ST3GAL1: variants seen among roughly 807,000 people sequenced by gnomAD.
ST3GAL1 encodes the protein CMP-N-acetylneuraminate-beta-galactosamide-alpha-2,3-sialyltransferase 1.
A neutral mutation model predicts 34.1 loss-of-function variants in ST3GAL1; 16 were observed. That is an observed-to-expected ratio of 0.47 (90% CI 0.32 to 0.71). The LOEUF is 0.71. ST3GAL1 is among the 30% of genes least tolerant of loss of function. The pLI is 0.04. For synonymous variants in ST3GAL1, 191 were observed against 184.7 expected (o/e 1.03, Z -0.28); for missense variants, 353 against 447.4 (o/e 0.79, Z 1.90).
At position 133,457,254 on chromosome 8, in the gene ST3GAL1, C is replaced by G. The variant is rs1236854827; in HGVS notation, c.*2510G>C. 6.6e-6 allele frequency: 1 copy of G among 152,222 alleles called. No individual in the cohort carries two copies. Among genetic ancestry groups the G allele is most frequent in the African/African-American group, 2.4e-5 (1 of 41,414 alleles). The allele number at this position is 152,222 out of a possible 1,614,324, so 9.4% of individuals were successfully genotyped here. On this transcript the variant is annotated 3_prime_UTR_variant, in exon 10 of 10. Transcript: ENST00000522652. Reference sequence around the variant, plus strand: ...ACCAGACGGAGGCCAGGCAACCGACCCAGGCAGCATCTGGCTCAGACGCAG... The same window carrying G: ...ACCAGACGGAGGCCAGGCAACCGACGCAGGCAGCATCTGGCTCAGACGCAG...
At chr8:133,475,681 A>T (rs778522763) in intron 5 of ST3GAL1, 38 bp downstream of exon 5, 1 of 1,526,268 alleles carries the variant, frequency 6.6e-7, no homozygotes, top group Non-Finnish European at 8.8e-7. Flanking sequence ...CCACACCCCA[A>T]CTCTCAGCCC....
chr8:133,562,819 TTCCTTCC>T (rs1819275277), intron 1 of ST3GAL1, among the ~76,000 whole-genome samples: 1 of 121,074 alleles, frequency 8.3e-6, no homozygotes, highest in African/African-American at 3.9e-5. Flanking sequence ...CCTTCCTTCC[TTCCTTCC>T]TTCCTTCCTT....
intron 2 of ST3GAL1, among the ~76,000 whole-genome samples, chr8:133,518,418 G>A (rs1817707037): frequency 6.6e-6 from 1 of 152,196 alleles, no homozygotes; most frequent in Non-Finnish European, 1.5e-5. Flanking sequence ...AGAAATCTTA[G>A]AAAAGATCCT....
chr8:133,564,117 A>T (rs750550889), intron 1 of ST3GAL1, among the ~76,000 whole-genome samples: 2 of 152,238 alleles, frequency 1.3e-5, no homozygotes, highest in Non-Finnish European at 2.9e-5. Context: ...GTTTTACAAC[A>T]GCCATCGACA....
rs140413728 is a variant in ST3GAL1 at position 133,500,834 on chromosome 8, A to G, written c.-428-1645T>C. 5.0e-3 allele frequency among the ~76,000 whole-genome samples: 759 copies of G among 152,338 alleles called. 2 individuals carry two copies. Among genetic ancestry groups the G allele is most frequent in the African/African-American group, 0.017 (723 of 41,570 alleles). ...TTCTACTCTGGGTCAGATGCTGTAC[A>G]TCTCACAGGAGGTATCTTTGTTCCT... On this transcript the variant is annotated intron_variant, in intron 2 of 9. Transcript: ENST00000522652.
At position 133,541,892 on chromosome 8, in the gene ST3GAL1, G is replaced by A. The variant is rs117568688; in HGVS notation, c.-429+3882C>T. Among the ~76,000 whole-genome samples, 103 of 152,264 alleles carry A rather than the reference G, an allele frequency of 6.8e-4. No homozygotes were observed. The East Asian group carries it at 0.018, about 26-fold the overall frequency. On this transcript the variant is annotated intron_variant, in intron 2 of 9. Transcript: ENST00000522652. The stretch of plus-strand genomic sequence containing the variant: ...CGGTTTAATAAATGCAGTTGGTGGC[G>A]GCGTTGATAGTGAGAGTAGAATGAC...
chr8:133,479,963 G>T (rs563591709), intron 3 of ST3GAL1, among the ~76,000 whole-genome samples: 2 of 152,352 alleles, frequency 1.3e-5, no homozygotes, highest in Non-Finnish European at 1.5e-5. Context: ...CAGCCTGCAG[G>T]CATGGGGGAA....
chr8:133,559,391 G>T (rs116485211), intron 1 of ST3GAL1, among the ~76,000 whole-genome samples: 6 of 152,304 alleles, frequency 3.9e-5, no homozygotes, highest in African/African-American at 1.4e-4. Flanking sequence ...AACCCATTCT[G>T]AAAGGTGTGT....
At chr8:133,518,284 T>A (rs1202650406) in intron 2 of ST3GAL1, among the ~76,000 whole-genome samples, 1 of 151,926 alleles carries the variant, frequency 6.6e-6, no homozygotes, top group African/African-American at 2.4e-5. Flanking sequence ...AGGATTCCAA[T>A]CCCCCAGTCA....
At position 133,461,121 on chromosome 8, in the gene ST3GAL1, C is replaced by T. The variant is rs978318661; in HGVS notation, c.849+754G>A. ...GCACCCATGTTTCTACCTGGGAACACCAGGGTGGGGCTGAGCCTGGGGACC... is the reference window on the plus strand; with the variant it reads ...GCACCCATGTTTCTACCTGGGAACATCAGGGTGGGGCTGAGCCTGGGGACC... On this transcript the variant is annotated intron_variant, in intron 9 of 9. Transcript: ENST00000522652. This position sits in a 1 kb window ranked among gnomAD's most constrained non-coding sequence, Gnocchi z 4.7. Among the ~76,000 whole-genome samples the T allele has an allele frequency of 2.6e-5, 4 of 152,118 alleles. No homozygotes were observed. The highest frequency in any genetic ancestry group is 2.6e-4 in the Admixed American group (4 of 15,276).
intron 3 of ST3GAL1, among the ~76,000 whole-genome samples, chr8:133,498,508 T>C (rs1817040923): frequency 1.3e-5 from 2 of 152,060 alleles, no homozygotes; most frequent in African/African-American, 4.8e-5. Context: ...TTGGAGGGTT[T>C]TTTTTTTCTC....
rs1563735220 is a variant in ST3GAL1 at position 133,542,113 on chromosome 8, C to CACA, written c.-429+3660_-429+3661insTGT. Among the ~76,000 whole-genome samples the CACA allele has an allele frequency of 1.4e-3, 167 of 116,436 alleles. 3 individuals carry two copies. In the South Asian group the frequency reaches 0.057, roughly 40 times the overall value. 76.4% of individuals were successfully genotyped at this position (116,436 alleles called of 152,430 possible). On this transcript the variant is annotated intron_variant, in intron 2 of 9. Transcript: ENST00000522652. ...ATACACCACACACACACACACACAC[C>CACA]CACGCACACACAGACACACACATCC...
chr8:133,511,375 C>T (rs1201632442), intron 2 of ST3GAL1, among the ~76,000 whole-genome samples: 1 of 152,228 alleles, frequency 6.6e-6, no homozygotes, highest in Non-Finnish European at 1.5e-5. Context: ...ATTTATTGAA[C>T]ACCTAGTATG....
intron 2 of ST3GAL1, among the ~76,000 whole-genome samples, chr8:133,540,896 C>CATATATATAGAT (rs1818471451): frequency 1.2e-5 from 1 of 81,868 alleles, no homozygotes; most frequent in Non-Finnish European, 2.3e-5. Context: ...TATATATAGA[C>CATATATATAGAT]ATATATATAG....
intron 3 of ST3GAL1, among the ~76,000 whole-genome samples, chr8:133,478,742 G>A (rs72718278): frequency 6.6e-6 from 1 of 152,202 alleles, no homozygotes; most frequent in Non-Finnish European, 1.5e-5. Flanking sequence ...GGTGAGTTAG[G>A]GGCCTCTCCT....
chr8:133,555,792 G>A (rs1010150084), intron 1 of ST3GAL1, among the ~76,000 whole-genome samples: 19 of 152,158 alleles, frequency 1.2e-4, no homozygotes, highest in African/African-American at 3.4e-4. Context: ...CTGTTGGAAC[G>A]GCTCACCATC....
intron 1 of ST3GAL1, among the ~76,000 whole-genome samples, chr8:133,560,617 G>C (rs1180070578): frequency 6.6e-6 from 1 of 152,184 alleles, no homozygotes; most frequent in Non-Finnish European, 1.5e-5. Context: ...CGTCTCGTGG[G>C]CTGGGCTGGG....
At chr8:133,482,329 C>T (rs1450563213) in intron 3 of ST3GAL1, among the ~76,000 whole-genome samples, 1 of 152,112 alleles carries the variant, frequency 6.6e-6, no homozygotes, top group South Asian at 2.1e-4. Context: ...TTTTCTTTGC[C>T]TTTCCATGTT....
chr8:133,559,107 C>T (rs1819145129), intron 1 of ST3GAL1, among the ~76,000 whole-genome samples: 1 of 151,858 alleles, frequency 6.6e-6, no homozygotes, highest in Non-Finnish European at 1.5e-5. Flanking sequence ...TGGCCACCTG[C>T]GATGCTGTTT....
Sources: allele counts gnomAD v4.1 joint callset (sites outside exome capture counted in the v4.1 genomes callset), GRCh38; gene constraint gnomAD v4.1.1; non-coding constraint Gnocchi (gnomAD v3.1); transcripts MANE v1.5; gene names NCBI Gene and HGNC (gene_info 2026-07-23, HGNC 2026-07-21).